Variants in TSPAN9 observed in about 807,000 individuals in gnomAD.
The protein encoded by TSPAN9 is tetraspanin-9.
Under a neutral mutation model 31.0 loss-of-function variants are expected in TSPAN9, and 16 were observed. That is an observed-to-expected ratio of 0.52 (90% CI 0.35 to 0.78). The LOEUF (loss-of-function observed/expected upper bound fraction) is 0.78, where lower values mean the gene tolerates loss of function less well. Ranked by LOEUF, TSPAN9 falls within the 30% of genes least tolerant of loss-of-function variation. The pLI, the probability that TSPAN9 is intolerant of heterozygous loss-of-function variation, is 0.01. For missense variants in TSPAN9, 272 were observed against 312.5 expected (o/e 0.87, Z 0.98); for synonymous variants, 145 against 121.6 (o/e 1.19, Z -1.27).
intron 8 of TSPAN9, among the ~76,000 whole-genome samples, chr12:3,282,783 C>G (rs1862922688): frequency 2.0e-5 from 3 of 152,226 alleles, no homozygotes; most frequent in Admixed American, 2.0e-4. Context: ...TCTGAGTAGG[C>G]ACACGTATGC....
chr12:3,153,963 ATAG>A (rs966869651), intron 2 of TSPAN9, among the ~76,000 whole-genome samples: 1 of 147,424 alleles, frequency 6.8e-6, no homozygotes, highest in Non-Finnish European at 1.5e-5. Context: ...ACTTACCTAA[ATAG>A]TAGAAACTGC....
At chr12:3,273,153 T>A (rs1426187249) in intron 3 of TSPAN9, 1 of 152,248 alleles carries the variant, frequency 6.6e-6, no homozygotes, top group African/African-American at 2.4e-5. Flanking sequence ...CCTGTGGGAT[T>A]TGAAGGCGTT....
At chr12:3,216,589 C>G (rs564081402) in intron 3 of TSPAN9, among the ~76,000 whole-genome samples, 2 of 152,234 alleles carry the variant, frequency 1.3e-5, no homozygotes, top group Non-Finnish European at 2.9e-5. Flanking sequence ...GCCTGGTGTC[C>G]AGGTCCCACT....
intron 2 of TSPAN9, among the ~76,000 whole-genome samples, chr12:3,152,738 C>T (rs988573284): frequency 6.6e-6 from 1 of 152,210 alleles, no homozygotes; most frequent in African/African-American, 2.4e-5. Context: ...AAATGCCTAC[C>T]ACTATGCCCG....
chr12:3,120,773 C>A (rs2098324704), intron 2 of TSPAN9, among the ~76,000 whole-genome samples: 1 of 152,240 alleles, frequency 6.6e-6, no homozygotes, highest in South Asian at 2.1e-4. Context: ...TTAATGTTGA[C>A]CAAGCCCCCA....
intron 1 of TSPAN9, among the ~76,000 whole-genome samples, chr12:3,079,687 C>T (rs779232840): frequency 1.3e-5 from 2 of 152,100 alleles, no homozygotes; most frequent in Middle Eastern, 3.4e-3. Context: ...GTCTCAAACT[C>T]CTGACCTCAG....
At chr12:3,079,531 G>A (rs376718322) in intron 1 of TSPAN9, among the ~76,000 whole-genome samples, 19 of 151,726 alleles carry the variant, frequency 1.3e-4, no homozygotes, top group African/African-American at 4.4e-4. Context: ...GCACTATCTC[G>A]GCTCACTGCA....
chr12:3,112,660 A>T (rs1387438280), intron 2 of TSPAN9, among the ~76,000 whole-genome samples: 11 of 133,770 alleles, frequency 8.2e-5, no homozygotes, highest in South Asian at 2.4e-4. Context: ...TTTATTCTCA[A>T]TCTCATTTAT....
chr12:3,142,181 G>A (rs1048798524), intron 2 of TSPAN9, among the ~76,000 whole-genome samples: 5 of 152,270 alleles, frequency 3.3e-5, no homozygotes, highest in South Asian at 4.1e-4. Context: ...CTGGGGTGAC[G>A]CTGCTGGGCC....
chr12:3,276,324 G>T (rs755951919), intron 3 of TSPAN9, among the ~76,000 whole-genome samples: 1 of 152,178 alleles, frequency 6.6e-6, no homozygotes, highest in Non-Finnish European at 1.5e-5. Flanking sequence ...GGACCTTCCC[G>T]TCACACTGAG....
chr12:3,228,215 GGTGGCATGCACCT>G (rs985316131), intron 3 of TSPAN9, among the ~76,000 whole-genome samples: 17 of 152,182 alleles, frequency 1.1e-4, no homozygotes, highest in Admixed American at 5.9e-4. Context: ...AGCCAAATGT[GGTGGCATGCACCT>G]GTGGCATGCA....
chr12:3,224,092 T>TAAA (rs2098385943), intron 3 of TSPAN9, among the ~76,000 whole-genome samples: 1 of 151,580 alleles, frequency 6.6e-6, no homozygotes, highest in Non-Finnish European at 1.5e-5. Context: ...AAAAAAAAAT[T>TAAA]TTTTTTCTGA....
intron 2 of TSPAN9, among the ~76,000 whole-genome samples, chr12:3,087,391 G>A (rs192825313): frequency 2.2e-4 from 33 of 152,274 alleles, no homozygotes; most frequent in Middle Eastern, 3.4e-3. Flanking sequence ...GTGTGTGCCT[G>A]TAGTCCCAGC....
rs1383876319 is a variant in TSPAN9 at position 3,192,409 on chromosome 12, G to A, written c.-17-8768G>A. ...CAGGGCTGGACAAGGGCGGGGACGA[G>A]GAGGATGCCAGGTGCAGGGAGGCTC... On this transcript the variant is annotated intron_variant, in intron 2 of 8. Coordinates refer to ENST00000011898, the MANE Select transcript of TSPAN9 (RefSeq NM_006675.5). The surrounding 1 kb of genome is among the most constrained non-coding windows in gnomAD (Gnocchi z 4.6). Among the ~76,000 whole-genome samples, 1 of 152,180 alleles carries A rather than the reference G, an allele frequency of 6.6e-6. No individual in the cohort carries two copies. The highest frequency in any genetic ancestry group is 1.5e-5 in the Non-Finnish European group (1 of 68,034).
chr12:3,146,803 G>C (rs73050170), intron 2 of TSPAN9, among the ~76,000 whole-genome samples: 25,706 of 151,952 alleles, frequency 0.17, 2,418 homozygotes, highest in Non-Finnish European at 0.22. Context: ...CTGCTTGTGC[G>C]TCTGGACATT....
At position 3,172,756 on chromosome 12, in the gene TSPAN9, G is replaced by A. The variant is rs1272663462; in HGVS notation, c.-17-28421G>A. The A allele has an allele frequency of 6.6e-6, 1 of 152,278 alleles. No individual in the cohort carries two copies. The highest frequency in any genetic ancestry group is 1.5e-5 in the Non-Finnish European group (1 of 68,076). 9.4% of individuals were successfully genotyped at this position (152,278 alleles called of 1,614,324 possible). A position where few individuals can be genotyped will look rare whatever the true frequency, so the allele number is the denominator to read the frequency against. ...GCTTAGCGAGGCTTTCTTCAGCTTTGGAGGCATGCTGGCTTCGTAATCAGC... is the reference window on the plus strand; with the variant it reads ...GCTTAGCGAGGCTTTCTTCAGCTTTAGAGGCATGCTGGCTTCGTAATCAGC... On this transcript the variant is annotated intron_variant, in intron 2 of 8. Coordinates refer to ENST00000011898, the MANE Select transcript of TSPAN9 (RefSeq NM_006675.5). The surrounding 1 kb of genome is among the most constrained non-coding windows in gnomAD (Gnocchi z 4.8).
intron 3 of TSPAN9, among the ~76,000 whole-genome samples, chr12:3,244,250 C>T (rs602474): frequency 0.67 from 102,570 of 152,126 alleles, 36,657 homozygotes; most frequent in Non-Finnish European, 0.8. Flanking sequence ...CACATGGGCC[C>T]TGGTCCCAGT....
intron 3 of TSPAN9, among the ~76,000 whole-genome samples, chr12:3,226,790 A>T (rs1437983831): frequency 0.73 from 8,896 of 12,134 alleles, 3,322 homozygotes; most frequent in South Asian, 0.85. Flanking sequence ...ATATATATAT[A>T]TATATTTTTT....
At chr12:3,269,062 G>T (rs376577868) in intron 3 of TSPAN9, among the ~76,000 whole-genome samples, 2 of 17,640 alleles carry the variant, frequency 1.1e-4, no homozygotes, top group African/African-American at 2.2e-4. Flanking sequence ...CCTGCCCTCC[G>T]TGCGTTCCTG....
Sources: gnomAD v4.1 joint callset for allele counts (sites outside exome capture counted in the v4.1 genomes callset) on GRCh38, gnomAD v4.1.1 for gene constraint, Gnocchi (gnomAD v3.1) non-coding constraint, MANE v1.5 for transcripts, NCBI Gene and HGNC (gene_info 2026-07-23, HGNC 2026-07-21) for gene names.